Variants in AP2A2 observed in about 807,000 individuals in gnomAD.
The protein encoded by AP2A2 is adaptor related protein complex 2 subunit alpha 2.
A neutral mutation model predicts 104.2 loss-of-function variants in AP2A2; 32 were observed. The observed-to-expected ratio is 0.31, with a 90% CI of 0.23 to 0.41. The LOEUF is 0.41. Among genes scored for constraint, AP2A2 ranks in the 10% least tolerant of loss-of-function variants. The pLI is 1.00. For missense variants in AP2A2, 912 were observed against 1,261.0 expected (o/e 0.72, Z 4.19); for synonymous variants, 539 against 533.3 (o/e 1.01, Z -0.15).
intron 20 of AP2A2, 56 bp downstream of exon 20, chr11:1,009,453 G>A: frequency 6.6e-7 from 1 of 1,522,936 alleles, no homozygotes; most frequent in East Asian, 2.5e-5. Flanking sequence ...CCCCGCGCCA[G>A]GGTCTGGAGG....
At chr11:989,830 G>T (rs1326971854) in intron 10 of AP2A2, among the ~76,000 whole-genome samples, 2 of 152,224 alleles carry the variant, frequency 1.3e-5, no homozygotes, top group Non-Finnish European at 2.9e-5. Flanking sequence ...CTCGCGTGGG[G>T]TTCGCCACTG....
chr11:977,545 C>T (rs1176054209), intron 5 of AP2A2, among the ~76,000 whole-genome samples: 1 of 150,460 alleles, frequency 6.6e-6, no homozygotes, highest in Admixed American at 6.7e-5. Flanking sequence ...CTGCCTGTGC[C>T]CTCATCTAGG....
chr11:941,262 C>T (rs917548298), intron 1 of AP2A2, among the ~76,000 whole-genome samples: 4 of 152,126 alleles, frequency 2.6e-5, no homozygotes, highest in Admixed American at 2.0e-4. Flanking sequence ...GCAGCTTGCT[C>T]TCCTTGGCTG....
chr11:940,142 C>T (rs1462976607), intron 1 of AP2A2, among the ~76,000 whole-genome samples: 1 of 151,478 alleles, frequency 6.6e-6, no homozygotes, highest in Admixed American at 6.6e-5. Flanking sequence ...TTTGTAGAGA[C>T]GGGGTTTCGC....
rs371493949 is a variant in AP2A2, at chr11:925,949, C to A, written c.-73C>A. 34 of 1,193,096 alleles carry A rather than the reference C, an allele frequency of 2.8e-5. No individual in the cohort carries two copies. The East Asian group carries it at 3.0e-4, about 11-fold the overall frequency. 73.9% of individuals were successfully genotyped at this position (1,193,096 alleles called of 1,614,324 possible). ...TCCTCCGCGGCGGTGACGGCGACCG[C>A]ACTCCCCGCTTCCCGCTCCCCGCGC... On this transcript the variant is annotated 5_prime_UTR_variant, in exon 1 of 22. Transcript: ENST00000448903.
chr11:985,143 C>G (rs925251760), intron 7 of AP2A2, among the ~76,000 whole-genome samples: 2 of 152,138 alleles, frequency 1.3e-5, no homozygotes, highest in Non-Finnish European at 2.9e-5. Context: ...GCCATCATAC[C>G]CGGCTAACTT....
At chr11:951,645 C>T (rs1440961310) in intron 1 of AP2A2, among the ~76,000 whole-genome samples, 1 of 152,210 alleles carries the variant, frequency 6.6e-6, no homozygotes, top group Non-Finnish European at 1.5e-5. Flanking sequence ...TCATTGATGG[C>T]ACACCCATTT....
At position 1,010,553 on chromosome 11, in the gene AP2A2, C is replaced by T; in HGVS notation, c.2748C>T (p.Tyr916=). ...TGCTGTGCTCTCTGTTTCAGATGTA[C>T]CGGCTCACGCTGCGCACAAGTAAGG... The part of the protein sequence containing the change: ...RLEPNLQAQM[Y]RLTLRTSKEA... The change falls in exon 22 of 22, where the codon TAC becomes TAT. Residue 916 remains tyrosine, a synonymous_variant. Transcript: ENST00000448903. 6.3e-7 allele frequency: 1 copy of T among 1,590,108 alleles called. No individual in the cohort carries two copies. The highest frequency in any genetic ancestry group is 8.6e-7 in the Non-Finnish European group (1 of 1,168,346).
rs1278420870 is a variant in AP2A2, at chr11:984,698, G to A, written c.759G>A (p.Pro253=). 3.7e-6 allele frequency: 6 copies of A among 1,613,626 alleles called. No homozygotes were observed. Among genetic ancestry groups the A allele is most frequent in the Non-Finnish European group, 4.2e-6 (5 of 1,179,832 alleles). Residue 253 remains proline, a synonymous_variant, in exon 7 of 22, where the codon CCG becomes CCA. Coordinates refer to ENST00000448903, the MANE Select transcript of AP2A2 (RefSeq NM_012305.4). ...DLQDYTYYFV[P]APWLSVKLLR... is the part of the protein sequence containing the mutation. ...AGGATTACACTTACTATTTTGTCCC[G>A]GCTCCCTGGCTGTCTGTCAAACTGC...
At chr11:942,216 C>T (rs1375347495) in intron 1 of AP2A2, 5 of 152,236 alleles carry the variant, frequency 3.3e-5, no homozygotes, top group Admixed American at 2.0e-4. Flanking sequence ...CGTGAGCCAC[C>T]GCGCTTAGCA....
intron 14 of AP2A2, among the ~76,000 whole-genome samples, chr11:997,627 G>A (rs1202260748): frequency 1.3e-5 from 2 of 152,208 alleles, no homozygotes; most frequent in African/African-American, 2.4e-5. Context: ...ATAGATGGCT[G>A]GGCATGGTGG....
At chr11:945,035 T>G (rs1206847003) in intron 1 of AP2A2, among the ~76,000 whole-genome samples, 2 of 151,994 alleles carry the variant, frequency 1.3e-5, no homozygotes, top group African/African-American at 4.8e-5. Flanking sequence ...GGTGAACAGC[T>G]TCGGAGAGGT....
In AP2A2 at chr11:999,719, C is replaced by T. The variant is rs114608049; in HGVS notation, c.1957-713C>T. 3.2e-3 allele frequency among the ~76,000 whole-genome samples: 492 copies of T among 152,062 alleles called. 3 individuals are homozygous for T. The highest frequency in any genetic ancestry group is 0.011 in the African/African-American group (475 of 41,466). On this transcript the variant is annotated intron_variant, in intron 14 of 21. Coordinates refer to ENST00000448903, the MANE Select transcript of AP2A2 (RefSeq NM_012305.4). ...ATAATTTAATGATTAATAATGCACC[C>T]GAGTAAGTTATTTGCTTTTTCATCT...
In AP2A2 at chr11:978,715, G is replaced by A. The variant is rs114346347; in HGVS notation, c.603+1491G>A. Among the ~76,000 whole-genome samples the A allele has an allele frequency of 3.2e-3, 491 of 152,304 alleles. 1 individual carries two copies. Among genetic ancestry groups the A allele is most frequent in the African/African-American group, 0.011 (476 of 41,568 alleles). On this transcript the variant is annotated intron_variant, in intron 5 of 21. Coordinates refer to ENST00000448903, the MANE Select transcript of AP2A2 (RefSeq NM_012305.4). Reference sequence around the variant, plus strand: ...CCACCTCTGACAGCGAAGGCCTGAGGCTTGGCTTCTCTGGTCTCAAGTCAG... The same window carrying A: ...CCACCTCTGACAGCGAAGGCCTGAGACTTGGCTTCTCTGGTCTCAAGTCAG...
chr11:929,512 C>T (rs576094740), intron 1 of AP2A2, among the ~76,000 whole-genome samples: 10 of 152,230 alleles, frequency 6.6e-5, no homozygotes, highest in Non-Finnish European at 1.3e-4. Context: ...CTTGAAGGGG[C>T]GGATTTTGAG....
At chr11:949,757 A>G (rs1361546110) in intron 1 of AP2A2, among the ~76,000 whole-genome samples, 2 of 105,094 alleles carry the variant, frequency 1.9e-5, no homozygotes, top group Non-Finnish European at 4.4e-5. Context: ...CCTGGGTGAC[A>G]GAGAGAGACT....
At position 985,224 on chromosome 11, in the gene AP2A2, T is replaced by G. The variant is rs1855410244; in HGVS notation, c.815-211T>G. 4.6e-5 allele frequency among the ~76,000 whole-genome samples: 7 copies of G among 152,192 alleles called. 1 individual carries two copies. The South Asian group carries it at 1.4e-3, about 32-fold the overall frequency. On this transcript the variant is annotated intron_variant, in intron 7 of 21. Coordinates refer to ENST00000448903, the MANE Select transcript of AP2A2 (RefSeq NM_012305.4). Reference sequence around the variant, plus strand: ...TCTTGAACTCCTGACCTCAGGTGACTGGCCTGCCTCGGCCTCCCAAAGTGC... The same window carrying G: ...TCTTGAACTCCTGACCTCAGGTGACGGGCCTGCCTCGGCCTCCCAAAGTGC...
chr11:1,004,833 A>G (rs772954355), intron 16 of AP2A2, among the ~76,000 whole-genome samples: 133 of 152,156 alleles, frequency 8.7e-4, no homozygotes, highest in Non-Finnish European at 1.6e-3. Flanking sequence ...ATAAATAACC[A>G]AAAAGGAAAA....
chr11:940,248 C>T (rs544673370), intron 1 of AP2A2, among the ~76,000 whole-genome samples: 108 of 152,298 alleles, frequency 7.1e-4, no homozygotes, highest in African/African-American at 1.8e-3. Context: ...GCCACTGCGC[C>T]GGCCCGTGTC....
Sources: gnomAD v4.1 joint callset for allele counts (sites outside exome capture counted in the v4.1 genomes callset) on GRCh38, gnomAD v4.1.1 for gene constraint, MANE v1.5 for transcripts, NCBI Gene and HGNC (gene_info 2026-07-23, HGNC 2026-07-21) for gene names.